WWOX: variants seen among roughly 807,000 people sequenced by gnomAD.
WWOX encodes the protein WW domain-containing oxidoreductase.
Under a neutral mutation model 46.2 loss-of-function variants are expected in WWOX, and 69 were observed. The ratio of observed to expected loss-of-function variants is 1.49; its 90% CI spans 1.23 to 1.82. The LOEUF (loss-of-function observed/expected upper bound fraction) is 1.82, where lower values mean the gene tolerates loss of function less well. WWOX is among the 40% of genes most tolerant of loss of function. The probability of loss-of-function intolerance (pLI) is 0.00; values close to 1 mark genes in which losing one functional copy is unlikely to be tolerated. For synonymous variants in WWOX, 359 were observed against 202.6 expected, an observed-to-expected ratio of 1.77 and a Z score of -6.56; for missense variants, 919 against 542.6, an observed-to-expected ratio of 1.69 and a Z score of -6.89.
At position 79,212,247 on chromosome 16, in the gene WWOX, C is replaced by A. The variant is rs2051789393; in HGVS notation, c.*451C>A. ...TTCACTGCTCCTTGCTGCATTGATC[C>A]AGGAGATAATTGTTTCATTCATCCT... On this transcript the variant is annotated 3_prime_UTR_variant, in exon 9 of 9. Transcript: ENST00000566780. The A allele has an allele frequency of 2.2e-6, 3 of 1,334,996 alleles. No homozygotes were observed. In the East Asian group the frequency reaches 7.6e-5, roughly 34 times the overall value. 82.7% of individuals were successfully genotyped at this position (1,334,996 alleles called of 1,614,324 possible). A position where few individuals can be genotyped will look rare whatever the true frequency, so the allele number is the denominator to read the frequency against.
At chr16:79,134,602 C>T (rs2049946840) in intron 8 of WWOX, among the ~76,000 whole-genome samples, 1 of 152,156 alleles carries the variant, frequency 6.6e-6, no homozygotes, top group Admixed American at 6.5e-5. Context: ...TAAATGCAGA[C>T]ACATACAGAC....
At chr16:78,545,561 TAAAATG>T (rs2044008974) in intron 8 of WWOX, among the ~76,000 whole-genome samples, 1 of 152,068 alleles carries the variant, frequency 6.6e-6, no homozygotes, top group African/African-American at 2.4e-5. Flanking sequence ...TTCCTTCAGA[TAAAATG>T]AGAGTGGAGA....
At chr16:79,198,105 A>T (rs1410492723) in intron 8 of WWOX, among the ~76,000 whole-genome samples, 1 of 151,756 alleles carries the variant, frequency 6.6e-6, no homozygotes, top group Admixed American at 6.6e-5. Flanking sequence ...CAGGTGGATC[A>T]CCTGAGGACA....
intron 8 of WWOX, among the ~76,000 whole-genome samples, chr16:78,862,324 ATATC>A (rs145386314): frequency 0.026 from 3,926 of 151,030 alleles, 152 homozygotes; most frequent in African/African-American, 0.091. Context: ...GTGTCTTTCT[ATATC>A]TATACATTAT....
chr16:78,920,075 C>A (rs1456976446), intron 8 of WWOX, among the ~76,000 whole-genome samples: 1 of 152,134 alleles, frequency 6.6e-6, no homozygotes, highest in Admixed American at 6.5e-5. Context: ...CCCACCATGC[C>A]ATAGCTTGCA....
intron 4 of WWOX, among the ~76,000 whole-genome samples, chr16:78,158,619 C>T (rs2034681694): frequency 6.6e-6 from 1 of 151,668 alleles, no homozygotes; most frequent in African/African-American, 2.4e-5. Flanking sequence ...TCTTTTTTAC[C>T]TGTATTGTAA....
chr16:78,649,483 C>T (rs1256362506), intron 8 of WWOX, among the ~76,000 whole-genome samples: 2 of 151,858 alleles, frequency 1.3e-5, no homozygotes, highest in Admixed American at 1.3e-4. Context: ...TACTCTGTTG[C>T]CCAGGCTGGT....
chr16:78,877,089 G>C (rs1261256310), intron 8 of WWOX, among the ~76,000 whole-genome samples: 2 of 152,174 alleles, frequency 1.3e-5, no homozygotes, highest in African/African-American at 4.8e-5. Flanking sequence ...TGCCAGGTCA[G>C]TGGGTTCAGT....
intron 8 of WWOX, among the ~76,000 whole-genome samples, chr16:78,784,159 A>G (rs1337240710): frequency 1.3e-5 from 2 of 152,166 alleles, no homozygotes; most frequent in South Asian, 2.1e-4. Context: ...AGTCAGTGCC[A>G]TTGCTTTTCC....
chr16:78,990,757 C>T (rs185145129), intron 8 of WWOX, among the ~76,000 whole-genome samples: 2 of 152,166 alleles, frequency 1.3e-5, no homozygotes, highest in African/African-American at 2.4e-5. Flanking sequence ...GGAAGTCTGG[C>T]AAGAGGGCAC....
intron 8 of WWOX, among the ~76,000 whole-genome samples, chr16:78,979,168 TACATGC>T (rs2046632126): frequency 6.6e-6 from 1 of 151,898 alleles, no homozygotes; most frequent in South Asian, 2.1e-4. Context: ...TGTTTTATGC[TACATGC>T]ATGTGGCTTC....
chr16:78,406,310 ATATATATATATATATATATATATATATAT>A, intron 6 of WWOX, among the ~76,000 whole-genome samples: 3 of 33,454 alleles, frequency 9.0e-5, no homozygotes, highest in Middle Eastern at 0.016. Context: ...ATAAATATAT[ATATATATATATATATATATATATATATAT>A]ATATATATAT....
intron 8 of WWOX, among the ~76,000 whole-genome samples, chr16:78,820,079 T>C (rs2051450947): frequency 6.6e-6 from 1 of 152,206 alleles, no homozygotes; most frequent in Non-Finnish European, 1.5e-5. Flanking sequence ...ATCGTTATCA[T>C]TCCTTTGATA....
rs139989105 is a variant in WWOX at position 78,949,704 on chromosome 16, G to A, written c.1057-261904G>A. Among the ~76,000 whole-genome samples, 402 of 152,248 alleles carry A rather than the reference G, an allele frequency of 2.6e-3. 2 individuals are homozygous for A. Among genetic ancestry groups the A allele is most frequent in the Non-Finnish European group, 4.6e-3 (310 of 68,012 alleles). ...ATACGTGTGGCTTCTTTTGAGCATCGTGCCATAGCTGTCCCTGATCTACCT... is the reference window on the plus strand; with the variant it reads ...ATACGTGTGGCTTCTTTTGAGCATCATGCCATAGCTGTCCCTGATCTACCT... On this transcript the variant is annotated intron_variant, in intron 8 of 8. Transcript: ENST00000566780.
chr16:78,632,684 G>A (rs530139359), intron 8 of WWOX, among the ~76,000 whole-genome samples: 4 of 148,820 alleles, frequency 2.7e-5, no homozygotes, highest in South Asian at 2.2e-4. Flanking sequence ...TCAGCCTCTC[G>A]AATAGCTGGG....
intron 8 of WWOX, among the ~76,000 whole-genome samples, chr16:78,511,501 C>T (rs1160172146): frequency 1.3e-5 from 2 of 152,222 alleles, no homozygotes; most frequent in African/African-American, 4.8e-5. Flanking sequence ...CTGTTGCCCC[C>T]AAGCCTGTTG....
intron 8 of WWOX, among the ~76,000 whole-genome samples, chr16:78,859,160 G>A (rs916418109): frequency 7.3e-5 from 11 of 150,316 alleles, no homozygotes; most frequent in African/African-American, 2.7e-4. Flanking sequence ...AGACACTGGG[G>A]AGAACCCTCC....
chr16:78,629,506 C>G (rs1483836488), intron 8 of WWOX, among the ~76,000 whole-genome samples: 1 of 152,210 alleles, frequency 6.6e-6, no homozygotes, highest in Admixed American at 6.5e-5. Context: ...TTGCCACTCC[C>G]TGCTTAATCC....
At chr16:78,945,473 T>G (rs970429879) in intron 8 of WWOX, among the ~76,000 whole-genome samples, 5 of 152,200 alleles carry the variant, frequency 3.3e-5, no homozygotes, top group Admixed American at 3.3e-4. Context: ...CTAAAAAAGT[T>G]TTGGGGTTTG....
Sources: allele counts gnomAD v4.1 joint callset (sites outside exome capture counted in the v4.1 genomes callset), GRCh38; gene constraint gnomAD v4.1.1; transcripts MANE v1.5; gene names NCBI Gene and HGNC (gene_info 2026-07-23, HGNC 2026-07-21).